The following ACSM1 variants were observed in gnomAD, a reference collection of about 807,000 sequenced individuals.
ACSM1 encodes the protein acyl-CoA synthetase medium chain family member 1.
In ACSM1, 79 loss-of-function variants were observed where a neutral mutation model predicts 75.8. The observed-to-expected ratio is 1.04, with a 90% CI of 0.87 to 1.26. The LOEUF is 1.26. Ranked by LOEUF, ACSM1 falls within the 50% of genes most tolerant of loss-of-function variation. The probability of loss-of-function intolerance (pLI) is 0.00; values close to 1 mark genes in which losing one functional copy is unlikely to be tolerated. For missense variants in ACSM1, 676 were observed against 720.1 expected (o/e 0.94, Z 0.70); for synonymous variants, 279 against 265.8 (o/e 1.05, Z -0.48).
chr16:20,691,623 T>C (rs1050775353), intron 1 of ACSM1, among the ~76,000 whole-genome samples: 5 of 152,096 alleles, frequency 3.3e-5, no homozygotes, highest in East Asian at 1.9e-4. Context: ...CCAAATCATG[T>C]TGTTGCCATG....
At chr16:20,653,654 A>G (rs2018776385) in intron 7 of ACSM1, among the ~76,000 whole-genome samples, 1 of 152,206 alleles carries the variant, frequency 6.6e-6, no homozygotes, top group African/African-American at 2.4e-5. Flanking sequence ...CCCATTCACA[A>G]TTGCTTCAAA....
intron 2 of ACSM1, among the ~76,000 whole-genome samples, chr16:20,687,180 C>G (rs1438919603): frequency 2.0e-5 from 3 of 151,862 alleles, no homozygotes; most frequent in African/African-American, 4.8e-5. Context: ...CAGATAGAAA[C>G]CATGGCATAA....
intron 2 of ACSM1, among the ~76,000 whole-genome samples, chr16:20,685,840 A>AAC (rs2079543247): frequency 2.4e-5 from 3 of 123,596 alleles, no homozygotes; most frequent in Non-Finnish European, 5.7e-5. Context: ...AACAAACAAA[A>AAC]AAAAAACAAA....
chr16:20,677,752 C>G (rs2020378773), intron 4 of ACSM1, among the ~76,000 whole-genome samples: 5 of 152,110 alleles, frequency 3.3e-5, no homozygotes, highest in Admixed American at 3.3e-4. Flanking sequence ...GCTTAGAAAG[C>G]AGAGCTAATA....
intron 7 of ACSM1, among the ~76,000 whole-genome samples, chr16:20,641,792 GTGA>G (rs1567261343): frequency 6.6e-6 from 1 of 152,174 alleles, no homozygotes; most frequent in African/African-American, 2.4e-5. Context: ...CCAATGTGGG[GTGA>G]TGAAGACCCT....
At chr16:20,634,306 T>C (rs163240) in intron 10 of ACSM1, among the ~76,000 whole-genome samples, 44,558 of 152,072 alleles carry the variant, frequency 0.29, 7,976 homozygotes, top group African/African-American at 0.5. Flanking sequence ...AAGTTCAACA[T>C]AGAATTACCA....
chr16:20,685,156 G>A, intron 3 of ACSM1, 37 bp downstream of exon 3: 1 of 1,609,086 alleles, frequency 6.2e-7, no homozygotes, highest in Admixed American at 1.7e-5. Context: ...TTCTAGAACA[G>A]CCCCGAGGTC....
chr16:20,675,543 A>G (rs1012818404), intron 4 of ACSM1, among the ~76,000 whole-genome samples: 2 of 152,206 alleles, frequency 1.3e-5, no homozygotes, highest in Admixed American at 6.5e-5. Context: ...ATGGGAGGAA[A>G]AGCATGGAAA....
intron 3 of ACSM1, among the ~76,000 whole-genome samples, chr16:20,683,509 C>G (rs561504765): frequency 6.6e-6 from 1 of 152,144 alleles, no homozygotes; most frequent in East Asian, 1.9e-4. Flanking sequence ...TTTGAAGATG[C>G]TGCTTTCTTT....
chr16:20,659,667 C>T (rs1043163396), intron 7 of ACSM1, among the ~76,000 whole-genome samples: 1 of 152,118 alleles, frequency 6.6e-6, no homozygotes, highest in African/African-American at 2.4e-5. Context: ...TATAGAGAAT[C>T]CACTTTCCCC....
At chr16:20,681,901 T>C in intron 4 of ACSM1, 1 of 175,450 alleles carries the variant, frequency 5.7e-6, no homozygotes, top group Non-Finnish European at 1.2e-5. Context: ...GTGAAGACCC[T>C]GTTTCTCCAG....
intron 8 of ACSM1, among the ~76,000 whole-genome samples, chr16:20,638,909 C>A (rs1340866156): frequency 6.6e-6 from 1 of 152,218 alleles, no homozygotes; most frequent in Non-Finnish European, 1.5e-5. Context: ...CTGGCCCACC[C>A]TCCTCCTTGT....
intron 7 of ACSM1, among the ~76,000 whole-genome samples, chr16:20,642,006 G>A (rs1405102730): frequency 1.3e-5 from 2 of 152,198 alleles, no homozygotes; most frequent in Non-Finnish European, 2.9e-5. Context: ...TTAGTACTCA[G>A]AATTTGTTAT....
intron 2 of ACSM1, among the ~76,000 whole-genome samples, chr16:20,690,114 TG>T (rs2079626068): frequency 6.6e-6 from 1 of 152,166 alleles, no homozygotes; most frequent in Admixed American, 6.5e-5. Flanking sequence ...AAGAAGGTGG[TG>T]GGGAGGAAGA....
intron 7 of ACSM1, among the ~76,000 whole-genome samples, chr16:20,654,471 G>T (rs1045759471): frequency 1.3e-5 from 2 of 152,146 alleles, no homozygotes; most frequent in African/African-American, 2.4e-5. Context: ...TTAACCTACA[G>T]AATGGGAGAA....
Position 20,671,591 on chromosome 16 carries a change from C to G in ACSM1, c.692G>C (p.Gly231Ala), listed in dbSNP as rs760780405. 1 of 1,613,874 alleles carries G rather than the reference C, an allele frequency of 6.2e-7. No individual in the cohort carries two copies. The highest frequency in any genetic ancestry group is 8.5e-7 in the Non-Finnish European group (1 of 1,179,868). Residue 231 changes from glycine to alanine, a missense_variant, in exon 5 of 14, where the codon GGC becomes GCC. By Grantham distance (60) the Gly-to-Ala change is moderately conservative (BLOSUM62 0). Transcript: ENST00000520010. Reference sequence around the variant, plus strand: ...GGAGTGTTTTGCCATCTTGGGGAAGCCTGTGGTCCCACTGGTGAAGAAGAT... The same window carrying G: ...GGAGTGTTTTGCCATCTTGGGGAAGGCTGTGGTCCCACTGGTGAAGAAGAT... ...MVIFFTSGTTGFPKMAKHSHG... is the reference protein window; with the variant it reads ...MVIFFTSGTTAFPKMAKHSHG...
intron 3 of ACSM1, among the ~76,000 whole-genome samples, chr16:20,684,745 G>T (rs1311968720): frequency 1.3e-5 from 2 of 152,136 alleles, no homozygotes; most frequent in Non-Finnish European, 2.9e-5. Flanking sequence ...AGTAAGAAAG[G>T]GAGAGAAAGA....
chr16:20,658,490 G>C (rs955114700), intron 7 of ACSM1, among the ~76,000 whole-genome samples: 2 of 151,370 alleles, frequency 1.3e-5, no homozygotes, highest in Non-Finnish European at 2.9e-5. Context: ...ATTTCTAGAA[G>C]TAATCAATGC....
chr16:20,669,703 C>A, intron 6 of ACSM1, 124 bp downstream of exon 6: 1 of 961,934 alleles, frequency 1.0e-6, no homozygotes, highest in Non-Finnish European at 1.5e-6. Flanking sequence ...TTTGAGAAGC[C>A]CAGGCTCAGG....
Sources: allele counts gnomAD v4.1 joint callset (sites outside exome capture counted in the v4.1 genomes callset), GRCh38; gene constraint gnomAD v4.1.1; transcripts MANE v1.5; gene names NCBI Gene and HGNC (gene_info 2026-07-23, HGNC 2026-07-21).